HYCC1: variants seen among roughly 807,000 people sequenced by gnomAD.
The protein encoded by HYCC1 is hyccin PI4KA lipid kinase complex subunit 1.
the HYCC1 span, among the ~76,000 whole-genome samples, chr7:22,989,636 G>A: frequency 1.3e-5 from 2 of 152,142 alleles, no homozygotes; most frequent in East Asian, 3.9e-4. Flanking sequence ...GGGATTACAG[G>A]CATAAGCCAC....
At chr7:22,943,041 T>C in the HYCC1 span, 1 of 152,144 alleles carries the variant, frequency 6.6e-6, no homozygotes, top group Admixed American at 6.6e-5. Flanking sequence ...CAAATGCAAA[T>C]TTGTTGTGCA....
At chr7:22,983,517 C>T in the HYCC1 span, among the ~76,000 whole-genome samples, 1 of 152,180 alleles carries the variant, frequency 6.6e-6, no homozygotes, top group Non-Finnish European at 1.5e-5. Flanking sequence ...ACCTGGAAAA[C>T]TTGTGCTTAT....
the HYCC1 span, among the ~76,000 whole-genome samples, chr7:22,915,578 C>T: frequency 1.3e-5 from 2 of 152,298 alleles, no homozygotes; most frequent in South Asian, 2.1e-4. Flanking sequence ...CTCGGCTTAG[C>T]GGCTTAAGAC....
the HYCC1 span, among the ~76,000 whole-genome samples, chr7:23,001,620 A>G: frequency 1.3e-5 from 2 of 152,208 alleles, no homozygotes; most frequent in Admixed American, 1.3e-4. Flanking sequence ...ATGGTAGGGT[A>G]CTGGAGAAAA....
the HYCC1 span, chr7:22,939,503 T>C: frequency 5.1e-4 from 78 of 152,340 alleles, 1 homozygote; most frequent in African/African-American, 1.7e-3. Context: ...TTACCATGCT[T>C]TTACTAACAG....
the HYCC1 span, chr7:22,978,187 T>C: frequency 1.9e-5 from 24 of 1,289,778 alleles, no homozygotes; most frequent in Non-Finnish European, 2.2e-5. Context: ...AAACACTAGC[T>C]TTATTAAAAT....
the HYCC1 span, among the ~76,000 whole-genome samples, chr7:22,969,814 G>A: frequency 4.6e-5 from 7 of 152,128 alleles, no homozygotes; most frequent in South Asian, 8.3e-4. Flanking sequence ...GTGAGCCACC[G>A]CATCTGGCCC....
the HYCC1 span, chr7:22,934,065 T>A: frequency 6.6e-6 from 1 of 152,308 alleles, no homozygotes; most frequent in East Asian, 1.9e-4. Flanking sequence ...TACAGAGTTC[T>A]TAAATGAGAT....
At chr7:22,969,155 AC>A in the HYCC1 span, among the ~76,000 whole-genome samples, 1 of 152,076 alleles carries the variant, frequency 6.6e-6, no homozygotes, top group Non-Finnish European at 1.5e-5. Flanking sequence ...GATCCAGCTG[AC>A]CCTGAGGCCA....
chr7:22,922,157 AATAATAAAG>A, the HYCC1 span, among the ~76,000 whole-genome samples: 29 of 151,750 alleles, frequency 1.9e-4, no homozygotes, highest in African/African-American at 7.0e-4. Flanking sequence ...TAACTTTATG[AATAATAAAG>A]TTAATCTAAC....
chr7:22,991,822 T>C, the HYCC1 span, among the ~76,000 whole-genome samples: 1 of 152,134 alleles, frequency 6.6e-6, no homozygotes, highest in Non-Finnish European at 1.5e-5. Flanking sequence ...TTGGAAACTA[T>C]TTCCTGACGG....
the HYCC1 span, chr7:22,944,545 C>T: frequency 6.6e-6 from 1 of 152,126 alleles, no homozygotes; most frequent in Non-Finnish European, 1.5e-5. Context: ...ACATAAACAA[C>T]TTTAGTTAAT....
chr7:22,958,690 G>A, the HYCC1 span, among the ~76,000 whole-genome samples: 88 of 152,050 alleles, frequency 5.8e-4, no homozygotes, highest in African/African-American at 2.0e-3. Flanking sequence ...TTGTTGCAGG[G>A]TACAGACCTC....
chr7:23,013,405 A>T, the HYCC1 span, among the ~76,000 whole-genome samples: 1 of 152,204 alleles, frequency 6.6e-6, no homozygotes, highest in Non-Finnish European at 1.5e-5. Context: ...GTCGACAGTG[A>T]CCATTGTGGC....
the HYCC1 span, chr7:22,940,841 T>C: frequency 6.6e-6 from 1 of 150,694 alleles, no homozygotes; most frequent in East Asian, 1.9e-4. Flanking sequence ...TTTTAAGAGA[T>C]AAGATCTCGT....
the HYCC1 span, among the ~76,000 whole-genome samples, chr7:22,973,218 C>G: frequency 6.6e-6 from 1 of 152,216 alleles, no homozygotes; most frequent in Non-Finnish European, 1.5e-5. Flanking sequence ...ATAACCATTT[C>G]TAACTTACTT....
chr7:22,931,680 T>C, the HYCC1 span, among the ~76,000 whole-genome samples: 29 of 145,556 alleles, frequency 2.0e-4, no homozygotes, highest in African/African-American at 6.7e-4. Flanking sequence ...TATGTCATCA[T>C]GATTAGACTG....
At chr7:23,007,483 T>A in the HYCC1 span, among the ~76,000 whole-genome samples, 12 of 152,154 alleles carry the variant, frequency 7.9e-5, no homozygotes, top group Non-Finnish European at 1.6e-4. Flanking sequence ...AAGCACATAT[T>A]AAGATCTTTA....
chr7:22,935,098 G>GT, the HYCC1 span: 1 of 152,160 alleles, frequency 6.6e-6, no homozygotes, highest in Non-Finnish European at 1.5e-5. Flanking sequence ...TCTCTCTGGC[G>GT]TTTTGTCTTC....
Sources: gnomAD v4.1 joint callset for allele counts (sites outside exome capture counted in the v4.1 genomes callset) on GRCh38, gnomAD v4.1.1 for gene constraint, MANE v1.5 for transcripts, NCBI Gene and HGNC (gene_info 2026-07-23, HGNC 2026-07-21) for gene names.